The following C8orf34 variants were observed in gnomAD, a reference collection of about 807,000 sequenced individuals.
C8orf34 encodes uncharacterized protein C8orf34.
Under a neutral mutation model 68.3 loss-of-function variants are expected in C8orf34, and 65 were observed. The ratio of observed to expected loss-of-function variants is 0.95; its 90% CI spans 0.78 to 1.17. The LOEUF is 1.17. C8orf34 is among the 50% of genes most tolerant of loss of function. C8orf34 has a pLI of 0.00. For synonymous variants in C8orf34, 244 were observed against 241.2 expected, an observed-to-expected ratio of 1.01 and a Z score of -0.11; for missense variants, 664 against 655.4, an observed-to-expected ratio of 1.01 and a Z score of -0.14.
At chr8:68,477,958 A>G (rs1812693778) in intron 4 of C8orf34, among the ~76,000 whole-genome samples, 1 of 152,154 alleles carries the variant, frequency 6.6e-6, no homozygotes, top group African/African-American at 2.4e-5. Flanking sequence ...CTGGCCCAGG[A>G]AACCATTTTT....
At chr8:68,776,298 A>G in intron 10 of C8orf34, 101 bp from the exon 11 acceptor site, 2 of 820,586 alleles carry the variant, frequency 2.4e-6, no homozygotes, top group Non-Finnish European at 4.1e-6. Context: ...GGAGAATAGC[A>G]AATATTTGGT....
chr8:68,545,891 A>C, intron 7 of C8orf34, among the ~76,000 whole-genome samples: 1 of 152,150 alleles, frequency 6.6e-6, no homozygotes, highest in African/African-American at 2.4e-5. Context: ...TGTAGTATAG[A>C]GTTTATAATA....
chr8:68,492,431 G>A (rs541491082), intron 5 of C8orf34, among the ~76,000 whole-genome samples: 23 of 151,892 alleles, frequency 1.5e-4, no homozygotes, highest in African/African-American at 5.6e-4. Flanking sequence ...GTCTTACTAT[G>A]TTGCTCAAGC....
chr8:68,441,324 C>T (rs1773650960), intron 2 of C8orf34, among the ~76,000 whole-genome samples: 1 of 152,074 alleles, frequency 6.6e-6, no homozygotes. Flanking sequence ...TGGCTGAGGT[C>T]CCTATTTTCT....
At chr8:68,562,937 G>T (rs1056611260) in intron 7 of C8orf34, among the ~76,000 whole-genome samples, 3 of 152,088 alleles carry the variant, frequency 2.0e-5, no homozygotes, top group African/African-American at 7.2e-5. Flanking sequence ...CCTTAACCTT[G>T]GTAGTTGTCC....
chr8:68,561,449 C>G (rs995805241), intron 7 of C8orf34, among the ~76,000 whole-genome samples: 2 of 151,938 alleles, frequency 1.3e-5, no homozygotes, highest in Admixed American at 6.6e-5. Flanking sequence ...ATTTTTAAAA[C>G]TTTTCTGTTA....
intron 7 of C8orf34, among the ~76,000 whole-genome samples, chr8:68,538,434 G>A (rs955636251): frequency 1.4e-4 from 21 of 149,434 alleles, no homozygotes; most frequent in Non-Finnish European, 2.4e-4. Flanking sequence ...GATGTTGAGA[G>A]GATAAAAAAA....
At chr8:68,597,829 T>G (rs1432963076) in intron 7 of C8orf34, among the ~76,000 whole-genome samples, 3 of 152,282 alleles carry the variant, frequency 2.0e-5, no homozygotes, top group African/African-American at 7.2e-5. Context: ...GTAGCACATA[T>G]GTCTTAGTTG....
intron 7 of C8orf34, among the ~76,000 whole-genome samples, chr8:68,551,128 G>A (rs960469129): frequency 5.9e-5 from 9 of 151,316 alleles, no homozygotes; most frequent in South Asian, 2.1e-4. Context: ...TCTCTTCCTG[G>A]TATTTTCATT....
At chr8:68,744,218 C>T (rs1229796310) in intron 10 of C8orf34, among the ~76,000 whole-genome samples, 5 of 151,376 alleles carry the variant, frequency 3.3e-5, no homozygotes, top group Non-Finnish European at 5.9e-5. Context: ...GACATCCACA[C>T]CAAAAACCCA....
rs1225317235 is a variant in C8orf34, at chr8:68,599,492, C to T, written c.1106-40884C>T. Among the ~76,000 whole-genome samples, 7 of 151,520 alleles carry T rather than the reference C, an allele frequency of 4.6e-5. No individual in the cohort carries two copies. The South Asian group carries it at 8.3e-4, about 18-fold the overall frequency. ...GTAACCAAAACAGTGTTGTATTGAA[C>T]TAAGAACATAAAAATAGGCCAATGT... On this transcript the variant is annotated intron_variant, in intron 7 of 13. Transcript: ENST00000518698.
In C8orf34 at chr8:68,614,100, T is replaced by G. The variant is rs2130580624; in HGVS notation, c.1106-26276T>G. ...GCATAAATTCTTCTTTTGAGAAGTG[T>G]CTGTTCATGTCCTTCGCCCACTTTT... On this transcript the variant is annotated intron_variant, in intron 7 of 13. Transcript: ENST00000518698. 2.0e-5 allele frequency among the ~76,000 whole-genome samples: 3 copies of G among 152,338 alleles called. No homozygotes were observed. In the South Asian group the frequency reaches 6.2e-4, roughly 32 times the overall value.
chr8:68,425,649 A>G (rs2129624106), intron 1 of C8orf34, among the ~76,000 whole-genome samples: 1 of 152,198 alleles, frequency 6.6e-6, no homozygotes, highest in South Asian at 2.1e-4. Context: ...TAATTTCATC[A>G]AGGCTTTTTG....
intron 7 of C8orf34, among the ~76,000 whole-genome samples, chr8:68,614,473 A>G (rs142408870): frequency 0.3 from 44,808 of 151,680 alleles, 8,435 homozygotes; most frequent in African/African-American, 0.55. Flanking sequence ...TGTATAAGGT[A>G]TAAGGAAGGG....
intron 8 of C8orf34, 48 bp downstream of exon 8, chr8:68,640,559 T>TA: frequency 2.6e-6 from 4 of 1,538,082 alleles, no homozygotes; most frequent in African/African-American, 1.4e-5. Flanking sequence ...TCTTGATTTT[T>TA]AAAATCTAAG....
chr8:68,612,379 A>G (rs1818048993), intron 7 of C8orf34, among the ~76,000 whole-genome samples: 1 of 152,158 alleles, frequency 6.6e-6, no homozygotes. Flanking sequence ...AAGAAGGGTA[A>G]ACAGAATTTG....
At chr8:68,500,051 G>A (rs1813699388) in intron 5 of C8orf34, among the ~76,000 whole-genome samples, 1 of 152,178 alleles carries the variant, frequency 6.6e-6, no homozygotes, top group Non-Finnish European at 1.5e-5. Context: ...TGGTGGCTCT[G>A]CATAGCCTTC....
At chr8:68,720,724 A>C (rs1821646497) in intron 9 of C8orf34, among the ~76,000 whole-genome samples, 3 of 151,834 alleles carry the variant, frequency 2.0e-5, no homozygotes, top group Non-Finnish European at 4.4e-5. Flanking sequence ...ACCCATAGAA[A>C]TCCTTGTTGT....
Position 68,451,040 on chromosome 8 carries a change from C to G in C8orf34, c.607+4580C>G, listed in dbSNP as rs146289202. 2.1e-3 allele frequency among the ~76,000 whole-genome samples: 326 copies of G among 152,196 alleles called. 1 individual carries two copies. The highest frequency in any genetic ancestry group is 7.0e-3 in the African/African-American group (293 of 41,568). On this transcript the variant is annotated intron_variant, in intron 3 of 13. Transcript: ENST00000518698. ...ATCAACTATCTTAGCTAGATCTTCTCGATTGGTGTGGCTTTTCCATCAGCA... is the reference window on the plus strand; with the variant it reads ...ATCAACTATCTTAGCTAGATCTTCTGGATTGGTGTGGCTTTTCCATCAGCA...
Sources: allele counts gnomAD v4.1 joint callset (sites outside exome capture counted in the v4.1 genomes callset), GRCh38; gene constraint gnomAD v4.1.1; transcripts MANE v1.5; gene names NCBI Gene and HGNC (gene_info 2026-07-23, HGNC 2026-07-21).